The following DAB1 variants were observed in gnomAD, a reference collection of about 807,000 sequenced individuals.
DAB1 encodes disabled homolog 1.
DAB1 carries 15 observed loss-of-function variants against 64.6 expected under a neutral mutation model. That is an observed-to-expected ratio of 0.23 (90% CI 0.16 to 0.36). The LOEUF (loss-of-function observed/expected upper bound fraction) is 0.36. DAB1 is among the 10% of genes least tolerant of loss of function. The probability of loss-of-function intolerance (pLI) is 1.00; values close to 1 mark genes in which losing one functional copy is unlikely to be tolerated. For missense variants in DAB1, 596 were observed against 706.7 expected (o/e 0.84, Z 1.78); for synonymous variants, 235 against 251.9 (o/e 0.93, Z 0.64).
intron 4 of DAB1, among the ~76,000 whole-genome samples, chr1:58,171,453 T>A (rs1401671642): frequency 6.6e-6 from 1 of 152,214 alleles, no homozygotes. Flanking sequence ...TGGAGGCTAG[T>A]GCAAGATCTT....
chr1:58,334,420 A>C (rs745331211), intron 4 of DAB1, among the ~76,000 whole-genome samples: 1 of 151,970 alleles, frequency 6.6e-6, no homozygotes, highest in Non-Finnish European at 1.5e-5. Context: ...TATTGCAACA[A>C]AACCTGACTA....
intron 7 of DAB1, among the ~76,000 whole-genome samples, chr1:57,480,146 C>T (rs909041763): frequency 3.9e-4 from 53 of 136,270 alleles, no homozygotes; most frequent in Admixed American, 7.9e-4. Flanking sequence ...AGCGAAACTC[C>T]GTCTCAAAAA....
intron 7 of DAB1, among the ~76,000 whole-genome samples, chr1:57,525,721 A>G (rs1049088218): frequency 6.6e-6 from 1 of 152,140 alleles, no homozygotes; most frequent in Non-Finnish European, 1.5e-5. Flanking sequence ...ATATAAGCAT[A>G]TTATTAACCA....
chr1:57,350,983 G>T (rs1678545519), intron 1 of DAB1, among the ~76,000 whole-genome samples: 1 of 152,128 alleles, frequency 6.6e-6, no homozygotes, highest in South Asian at 2.1e-4. Flanking sequence ...AAACAGAAGA[G>T]AGAGACACAT....
At chr1:58,481,093 G>A in intron 3 of DAB1, 5 of 871,952 alleles carry the variant, frequency 5.7e-6, no homozygotes, top group South Asian at 5.2e-5. Flanking sequence ...TCAAGAAAAT[G>A]CTTCGTGCTG....
intron 3 of DAB1, among the ~76,000 whole-genome samples, chr1:58,386,770 T>C (rs1472651228): frequency 2.6e-5 from 4 of 152,088 alleles, no homozygotes; most frequent in South Asian, 2.1e-4. Context: ...GATAAAAGTG[T>C]TTTGGAGAGC....
At chr1:57,397,259 C>G (rs115352073) in intron 1 of DAB1, among the ~76,000 whole-genome samples, 2,141 of 152,256 alleles carry the variant, frequency 0.014, 34 homozygotes, top group African/African-American at 0.041. Context: ...CAGAAAAATT[C>G]TAATTCCCAT....
intron 4 of DAB1, among the ~76,000 whole-genome samples, chr1:58,321,518 C>T (rs1017739490): frequency 6.6e-6 from 1 of 152,230 alleles, no homozygotes; most frequent in Non-Finnish European, 1.5e-5. Flanking sequence ...CAAGGGAAGC[C>T]ATGACAAACT....
At chr1:57,777,084 T>G (rs1207354964) in intron 6 of DAB1, among the ~76,000 whole-genome samples, 2 of 150,802 alleles carry the variant, frequency 1.3e-5, no homozygotes, top group Admixed American at 1.3e-4. Flanking sequence ...GATACTAGGT[T>G]GACAGCTTTT....
chr1:57,287,999 T>C (rs948728074), intron 2 of DAB1, among the ~76,000 whole-genome samples: 3 of 152,134 alleles, frequency 2.0e-5, no homozygotes, highest in Non-Finnish European at 4.4e-5. Flanking sequence ...TTTCACTGTG[T>C]TGGCCAGGCT....
At chr1:58,318,020 G>A (rs1662596854) in intron 4 of DAB1, among the ~76,000 whole-genome samples, 1 of 152,112 alleles carries the variant, frequency 6.6e-6, no homozygotes, top group African/African-American at 2.4e-5. Context: ...TTGCCCTTGA[G>A]CTTAAAGATA....
chr1:57,101,786 A>G (rs1169353885), intron 4 of DAB1, among the ~76,000 whole-genome samples: 4 of 152,208 alleles, frequency 2.6e-5, no homozygotes, highest in South Asian at 2.1e-4. Context: ...TGTGCCAGGC[A>G]TCTTTCTAGA....
chr1:58,062,304 TC>T (rs1648551594), intron 5 of DAB1, among the ~76,000 whole-genome samples: 1 of 152,094 alleles, frequency 6.6e-6, no homozygotes, highest in Non-Finnish European at 1.5e-5. Context: ...TTGGTAGAGG[TC>T]ACAGACCTCA....
At chr1:57,063,757 C>T (rs917732615) in intron 8 of DAB1, among the ~76,000 whole-genome samples, 2 of 152,216 alleles carry the variant, frequency 1.3e-5, no homozygotes, top group Non-Finnish European at 2.9e-5. Context: ...ACTTTAGTTA[C>T]TGACACATCA....
At chr1:57,057,031 C>T (rs144933035) in intron 9 of DAB1, among the ~76,000 whole-genome samples, 1 of 152,010 alleles carries the variant, frequency 6.6e-6, no homozygotes, top group Non-Finnish European at 1.5e-5. Flanking sequence ...AACAGAGGCT[C>T]ATGGTGAGAG....
chr1:57,300,517 G>A (rs1673556070), intron 1 of DAB1, among the ~76,000 whole-genome samples: 1 of 152,158 alleles, frequency 6.6e-6, no homozygotes, highest in Non-Finnish European at 1.5e-5. Flanking sequence ...GAAAAGCTGT[G>A]GATGATAGCA....
intron 7 of DAB1, among the ~76,000 whole-genome samples, chr1:57,531,046 T>C (rs1204687031): frequency 1.3e-5 from 2 of 152,132 alleles, no homozygotes; most frequent in African/African-American, 4.8e-5. Flanking sequence ...GCAAATCAAG[T>C]ACCAGTGTCA....
At chr1:57,684,848 C>G (rs1489989383) in intron 6 of DAB1, among the ~76,000 whole-genome samples, 1 of 152,186 alleles carries the variant, frequency 6.6e-6, no homozygotes, top group Admixed American at 6.5e-5. Flanking sequence ...CAAGACCTGA[C>G]TGCTGTTTCC....
chr1:57,495,899 C>T lies in DAB1; in HGVS notation n.625+153693G>A, dbSNP rs2691468. On this transcript the variant is annotated intron_variant and non_coding_transcript_variant, in intron 7 of 20. Coordinates refer to the DAB1 transcript ENST00000485760. ...GAATTCAACATCATTTTTATCCCCA[C>T]GTTCATTTTTGAAGCTGTATGGTCC... 8.0e-3 allele frequency among the ~76,000 whole-genome samples: 1,215 copies of T among 152,248 alleles called. 20 individuals carry two copies. Among genetic ancestry groups the T allele is most frequent in the African/African-American group, 0.024 (1,008 of 41,548 alleles).
Sources: gnomAD v4.1 joint callset for allele counts (sites outside exome capture counted in the v4.1 genomes callset) on GRCh38, gnomAD v4.1.1 for gene constraint, MANE v1.5 for transcripts, NCBI Gene and HGNC (gene_info 2026-07-23, HGNC 2026-07-21) for gene names.